The following CREB5 variants were observed in gnomAD, a reference collection of about 807,000 sequenced individuals.
CREB5 encodes the protein cyclic AMP-responsive element-binding protein 5.
CREB5 carries 19 observed loss-of-function variants against 57.1 expected under a neutral mutation model. The observed-to-expected ratio is 0.33, with a 90% CI of 0.23 to 0.49. The LOEUF is 0.49. CREB5 is among the 20% of genes least tolerant of loss of function. The pLI is 0.99. For synonymous variants in CREB5, 238 were observed against 238.3 expected (o/e 1.00, Z 0.01); for missense variants, 579 against 671.6 (o/e 0.86, Z 1.52).
chr7:28,436,767 C>T (rs1202868057), intron 1 of CREB5, among the ~76,000 whole-genome samples: 1 of 151,934 alleles, frequency 6.6e-6, no homozygotes, highest in African/African-American at 2.4e-5. Context: ...TTTGCTTGAA[C>T]TAATCATTGC....
intron 5 of CREB5, among the ~76,000 whole-genome samples, chr7:28,624,718 T>C (rs1186788209): frequency 1.3e-5 from 2 of 151,674 alleles, no homozygotes; most frequent in East Asian, 1.9e-4. Context: ...TGATTTCTTA[T>C]GCCTGCCTCC....
chr7:28,498,118 C>T (rs1391072814), intron 3 of CREB5, among the ~76,000 whole-genome samples: 1 of 151,920 alleles, frequency 6.6e-6, no homozygotes, highest in Non-Finnish European at 1.5e-5. Flanking sequence ...CCTTCTGGTC[C>T]TGGAAAACAA....
intron 7 of CREB5, among the ~76,000 whole-genome samples, chr7:28,746,812 A>G (rs1804704634): frequency 6.6e-6 from 1 of 152,152 alleles, no homozygotes; most frequent in African/African-American, 2.4e-5. Context: ...ATAGTTTATG[A>G]GGTAATTCGT....
intron 1 of CREB5, among the ~76,000 whole-genome samples, chr7:28,330,401 C>CCTTTTTT (rs775917974): frequency 5.6e-5 from 5 of 88,532 alleles, no homozygotes; most frequent in African/African-American, 1.5e-4. Context: ...GAGAACCTTA[C>CCTTTTTT]TTTTTTTTTT....
intron 4 of CREB5, among the ~76,000 whole-genome samples, chr7:28,540,819 C>G (rs13222196): frequency 6.6e-6 from 1 of 151,886 alleles, no homozygotes; most frequent in Non-Finnish European, 1.5e-5. Context: ...ACACCTAGGG[C>G]GCTTTCATCC....
chr7:28,681,999 G>T (rs1306486741), intron 5 of CREB5, among the ~76,000 whole-genome samples: 8 of 152,174 alleles, frequency 5.3e-5, no homozygotes, highest in Admixed American at 5.2e-4. Context: ...CACCCCCAAA[G>T]GTTTCCTGAT....
intron 5 of CREB5, among the ~76,000 whole-genome samples, chr7:28,694,671 A>G (rs1287899733): frequency 1.3e-5 from 2 of 152,134 alleles, no homozygotes; most frequent in Non-Finnish European, 1.5e-5. Context: ...AGCCTCCTGA[A>G]GTAGCTGGAG....
chr7:28,620,784 A>G (rs946005337), intron 5 of CREB5, among the ~76,000 whole-genome samples: 1 of 152,186 alleles, frequency 6.6e-6, no homozygotes, highest in South Asian at 2.1e-4. Context: ...GGAGTTGTCT[A>G]TACAGATAGC....
chr7:28,711,854 T>C (rs1313590875), intron 5 of CREB5, among the ~76,000 whole-genome samples: 1 of 152,194 alleles, frequency 6.6e-6, no homozygotes, highest in Non-Finnish European at 1.5e-5. Context: ...AAGCTAAAGA[T>C]TGGTGTTTTA....
At chr7:28,790,128 A>ATATT (rs1278003977) in intron 7 of CREB5, among the ~76,000 whole-genome samples, 3 of 152,232 alleles carry the variant, frequency 2.0e-5, no homozygotes, top group African/African-American at 7.2e-5. Context: ...GAAGGGTATA[A>ATATT]TATTTATTTA....
At chr7:28,706,200 C>CA (rs1276031333) in intron 5 of CREB5, among the ~76,000 whole-genome samples, 1 of 152,076 alleles carries the variant, frequency 6.6e-6, no homozygotes, top group African/African-American at 2.4e-5. Context: ...ACTAAAAATA[C>CA]AAAAAATTAG....
At chr7:28,468,050 G>A (rs1332806160) in intron 1 of CREB5, among the ~76,000 whole-genome samples, 2 of 152,204 alleles carry the variant, frequency 1.3e-5, no homozygotes, top group Non-Finnish European at 2.9e-5. Context: ...CGTGGGTACA[G>A]TGTGAGTTGG....
chr7:28,509,254 T>A (rs1792602693), intron 4 of CREB5, among the ~76,000 whole-genome samples: 1 of 152,236 alleles, frequency 6.6e-6, no homozygotes, highest in African/African-American at 2.4e-5. Flanking sequence ...ACTAAAGACA[T>A]TTTTCCAAGA....
intron 1 of CREB5, among the ~76,000 whole-genome samples, chr7:28,447,207 G>A (rs190306146): frequency 6.6e-6 from 1 of 152,176 alleles, no homozygotes; most frequent in East Asian, 1.9e-4. Flanking sequence ...AGTGCCTGGC[G>A]CACATCTGTT....
At chr7:28,420,257 T>C (rs1788188390) in intron 1 of CREB5, among the ~76,000 whole-genome samples, 1 of 152,200 alleles carries the variant, frequency 6.6e-6, no homozygotes, top group Non-Finnish European at 1.5e-5. Context: ...CCAGGAAATG[T>C]GCTTTCTTTC....
At chr7:28,756,584 C>T (rs1023618695) in intron 7 of CREB5, among the ~76,000 whole-genome samples, 2 of 151,226 alleles carry the variant, frequency 1.3e-5, no homozygotes, top group African/African-American at 2.4e-5. Context: ...CACATTGAGT[C>T]TAAGTAGCCC....
intron 7 of CREB5, among the ~76,000 whole-genome samples, chr7:28,790,671 G>A (rs1807648473): frequency 6.6e-6 from 1 of 152,232 alleles, no homozygotes; most frequent in Non-Finnish European, 1.5e-5. Context: ...CATGCTGAAG[G>A]AAACGTTTCA....
chr7:28,517,590 T>G (rs1333488632), intron 4 of CREB5, among the ~76,000 whole-genome samples: 1 of 152,190 alleles, frequency 6.6e-6, no homozygotes, highest in Non-Finnish European at 1.5e-5. Context: ...GTACCTATGT[T>G]CATGTACTTT....
rs149567141 is a variant in CREB5, at chr7:28,469,015, C to T, written c.4-19160C>T. ...TTCTTCATTTAGGACTCCTCAACAC[C>T]TAGCGTAGTTCCAGGCAAGATAGGC... On this transcript the variant is annotated intron_variant, in intron 1 of 10. Coordinates refer to ENST00000357727, the MANE Select transcript of CREB5 (RefSeq NM_182898.4). 1.6e-3 allele frequency among the ~76,000 whole-genome samples: 248 copies of T among 152,300 alleles called. 2 individuals carry two copies. Among genetic ancestry groups the T allele is most frequent in the African/African-American group, 5.5e-3 (228 of 41,568 alleles).
Sources: allele counts gnomAD v4.1 joint callset (sites outside exome capture counted in the v4.1 genomes callset), GRCh38; gene constraint gnomAD v4.1.1; transcripts MANE v1.5; gene names NCBI Gene and HGNC (gene_info 2026-07-23, HGNC 2026-07-21).